MCPH1: variants seen among roughly 807,000 people sequenced by gnomAD.
The protein encoded by MCPH1 is microcephalin 1.
MCPH1 carries 104 observed loss-of-function variants against 84.5 expected under a neutral mutation model. That is an observed-to-expected ratio of 1.23 (90% CI 1.05 to 1.45). MCPH1 has a LOEUF of 1.45. Among genes scored for constraint, MCPH1 ranks in the 40% most tolerant of loss-of-function variants. The probability of loss-of-function intolerance (pLI) is 0.00; values close to 1 mark genes in which losing one functional copy is unlikely to be tolerated. For missense variants in MCPH1, 1,498 were observed against 1,005.7 expected, an observed-to-expected ratio of 1.49 and a Z score of -6.62; for synonymous variants, 514 against 366.8, an observed-to-expected ratio of 1.40 and a Z score of -4.58.
At chr8:6,626,470 T>C in intron 13 of MCPH1, 1 of 958,544 alleles carries the variant, frequency 1.0e-6, no homozygotes, top group Non-Finnish European at 1.2e-6. Context: ...GGTTTTTTTG[T>C]TTTGTTTTTT....
intron 12 of MCPH1, chr8:6,508,605 A>G: frequency 2.1e-6 from 1 of 470,504 alleles, no homozygotes; most frequent in African/African-American, 2.0e-5. Context: ...TACATAAAGC[A>G]AAATGTAATT....
At chr8:6,610,321 G>T (rs1036401687) in intron 12 of MCPH1, among the ~76,000 whole-genome samples, 1 of 152,220 alleles carries the variant, frequency 6.6e-6, no homozygotes, top group Admixed American at 6.5e-5. Flanking sequence ...TTACAATCAG[G>T]TGTCTTCATT....
At chr8:6,498,760 G>A (rs1277512544) in intron 11 of MCPH1, among the ~76,000 whole-genome samples, 25 of 152,126 alleles carry the variant, frequency 1.6e-4, no homozygotes, top group Admixed American at 1.6e-3. Context: ...ATATGAGCTT[G>A]TGGGGAGCCT....
chr8:6,502,257 A>C (rs1812333851), intron 12 of MCPH1: 1 of 152,190 alleles, frequency 6.6e-6, no homozygotes, highest in Non-Finnish European at 1.5e-5. Flanking sequence ...ACAAATTATA[A>C]AATTGTAAAT....
intron 12 of MCPH1, among the ~76,000 whole-genome samples, chr8:6,597,328 G>C (rs1829004645): frequency 6.6e-6 from 1 of 152,130 alleles, no homozygotes; most frequent in Non-Finnish European, 1.5e-5. Context: ...TCCCACCATT[G>C]TCTTATTTTT....
intron 9 of MCPH1, among the ~76,000 whole-genome samples, chr8:6,456,472 TAAAG>T (rs1267758255): frequency 6.6e-6 from 1 of 152,146 alleles, no homozygotes; most frequent in Non-Finnish European, 1.5e-5. Flanking sequence ...TGGAAAGAAA[TAAAG>T]AACCAGTTTC....
chr8:6,627,604 ATC>A (rs1386638956), intron 13 of MCPH1, among the ~76,000 whole-genome samples: 1 of 152,234 alleles, frequency 6.6e-6, no homozygotes, highest in African/African-American at 2.4e-5. Flanking sequence ...TTAAATATAT[ATC>A]TCAGCCAGGT....
chr8:6,547,712 T>A (rs1822852321), intron 12 of MCPH1, among the ~76,000 whole-genome samples: 1 of 152,006 alleles, frequency 6.6e-6, no homozygotes, highest in Non-Finnish European at 1.5e-5. Context: ...GCAGCAACAC[T>A]GGTTCACACA....
At chr8:6,505,514 ATATATATTCTTTATATATG>A (rs1813393693) in intron 12 of MCPH1, among the ~76,000 whole-genome samples, 1 of 5,224 alleles carries the variant, frequency 1.9e-4, no homozygotes, top group Non-Finnish European at 3.4e-4. Context: ...TATATATAGA[ATATATATTCTTTATATATG>A]TATATATAGA....
intron 9 of MCPH1, among the ~76,000 whole-genome samples, chr8:6,458,009 A>T (rs547181621): frequency 6.6e-6 from 1 of 152,124 alleles, no homozygotes; most frequent in African/African-American, 2.4e-5. Context: ...GGATTTTTTT[A>T]AACTCCTGAG....
At chr8:6,634,115 G>A (rs1797363871) in intron 13 of MCPH1, among the ~76,000 whole-genome samples, 2 of 152,148 alleles carry the variant, frequency 1.3e-5, no homozygotes. Context: ...AAATGAAGAT[G>A]TGAATAGTGT....
chr8:6,428,456 C>G (rs1179703141), intron 3 of MCPH1, among the ~76,000 whole-genome samples: 1 of 152,128 alleles, frequency 6.6e-6, no homozygotes, highest in East Asian at 1.9e-4. Flanking sequence ...GTGCAACCGT[C>G]ACCACAATTT....
intron 12 of MCPH1, among the ~76,000 whole-genome samples, chr8:6,516,092 C>A (rs768416960): frequency 6.6e-6 from 1 of 152,152 alleles, no homozygotes; most frequent in Non-Finnish European, 1.5e-5. Flanking sequence ...CCCAGTGGCA[C>A]TCATGTTTGG....
At chr8:6,550,392 G>A (rs1220627979) in intron 12 of MCPH1, among the ~76,000 whole-genome samples, 3 of 152,226 alleles carry the variant, frequency 2.0e-5, no homozygotes, top group Non-Finnish European at 2.9e-5. Context: ...ACCCAGACAC[G>A]TGCGGTGACC....
At chr8:6,500,124 A>C in intron 12 of MCPH1, 195 bp downstream of exon 12, 1 of 591,860 alleles carries the variant, frequency 1.7e-6, no homozygotes, top group Non-Finnish European at 3.0e-6. Flanking sequence ...ACCATTGTGC[A>C]AAAAGTAGTG....
chr8:6,486,134 C>A (rs2129560468), intron 11 of MCPH1, among the ~76,000 whole-genome samples: 1 of 152,252 alleles, frequency 6.6e-6, no homozygotes, highest in Non-Finnish European at 1.5e-5. Context: ...AGCTTAGCAC[C>A]CACTTTAATA....
chr8:6,569,103 G>A (rs1293673621), intron 12 of MCPH1, among the ~76,000 whole-genome samples: 1 of 152,066 alleles, frequency 6.6e-6, no homozygotes, highest in Non-Finnish European at 1.5e-5. Context: ...CAGTATACAG[G>A]GAAAACCATT....
At chr8:6,543,525 G>A (rs1056574354) in intron 12 of MCPH1, among the ~76,000 whole-genome samples, 2 of 152,124 alleles carry the variant, frequency 1.3e-5, no homozygotes, top group African/African-American at 4.8e-5. Context: ...TCCCATCTGC[G>A]GAATAAACCC....
At chr8:6,535,334 T>C (rs1404118598) in intron 12 of MCPH1, among the ~76,000 whole-genome samples, 1 of 152,210 alleles carries the variant, frequency 6.6e-6, no homozygotes, top group Non-Finnish European at 1.5e-5. Context: ...CAATTTGAAA[T>C]TAAACTTAGG....
Sources: gnomAD v4.1 joint callset for allele counts (sites outside exome capture counted in the v4.1 genomes callset) on GRCh38, gnomAD v4.1.1 for gene constraint, MANE v1.5 for transcripts, NCBI Gene and HGNC (gene_info 2026-07-23, HGNC 2026-07-21) for gene names.